Variants in SLC14A2 observed in about 807,000 individuals in gnomAD.
SLC14A2 encodes urea transporter 2.
SLC14A2 carries 91 observed loss-of-function variants against 104.6 expected under a neutral mutation model. That is an observed-to-expected ratio of 0.87 (90% CI 0.73 to 1.04). SLC14A2 has a LOEUF of 1.04. SLC14A2 is among the 50% of genes least tolerant of loss of function. The pLI is 0.00. For synonymous variants in SLC14A2, 476 were observed against 466.4 expected, an observed-to-expected ratio of 1.02 and a Z score of -0.27; for missense variants, 1,189 against 1,156.0, an observed-to-expected ratio of 1.03 and a Z score of -0.41.
At position 45,318,363 on chromosome 18, in the gene SLC14A2, C is replaced by T. The variant is rs77178968; in HGVS notation, c.-125+105172C>T. On this transcript the variant is annotated intron_variant, in intron 1 of 20. Transcript: ENST00000586448. ...AGCACTGGGTCATGTGCTCCAGTCCCTGCTTTCCTGAGGAACAAGCTTCTG... is the reference window on the plus strand; with the variant it reads ...AGCACTGGGTCATGTGCTCCAGTCCTTGCTTTCCTGAGGAACAAGCTTCTG... Among the ~76,000 whole-genome samples, 614 of 152,314 alleles carry T rather than the reference C, an allele frequency of 4.0e-3. 22 individuals are homozygous for T. The East Asian group carries it at 0.087, about 22-fold the overall frequency.
At chr18:45,532,548 G>T (rs2043711783) in intron 2 of SLC14A2, among the ~76,000 whole-genome samples, 1 of 148,870 alleles carries the variant, frequency 6.7e-6, no homozygotes, top group South Asian at 2.1e-4. Flanking sequence ...CATTGATTTT[G>T]TATCCTGAGA....
intron 1 of SLC14A2, among the ~76,000 whole-genome samples, chr18:45,252,505 T>C (rs954144188): frequency 6.6e-5 from 10 of 152,222 alleles, no homozygotes; most frequent in Non-Finnish European, 1.3e-4. Flanking sequence ...CATAAACAGA[T>C]ATTTAAATGG....
chr18:45,448,665 C>G (rs999841841), intron 1 of SLC14A2, among the ~76,000 whole-genome samples: 1 of 152,196 alleles, frequency 6.6e-6, no homozygotes, highest in Non-Finnish European at 1.5e-5. Context: ...CCAGAAGTGA[C>G]AGCTCCTCCC....
At chr18:45,392,288 G>A (rs769865806) in intron 1 of SLC14A2, among the ~76,000 whole-genome samples, 6 of 152,140 alleles carry the variant, frequency 3.9e-5, no homozygotes, top group Admixed American at 2.0e-4. Flanking sequence ...GTTTTGTACT[G>A]TGTATCTAAG....
rs548958926 is a variant in SLC14A2 at position 45,554,434 on chromosome 18, A to G, written c.-34-70197A>G. ...TCTTCTGGGGAAGGCCATGGGTAGC[A>G]CATGATCATTTTACAACGTTTGCCC... On this transcript the variant is annotated intron_variant, in intron 2 of 20. Coordinates refer to the SLC14A2 transcript ENST00000586448. Among the ~76,000 whole-genome samples, 12 of 152,264 alleles carry G rather than the reference A, an allele frequency of 7.9e-5. No individual in the cohort carries two copies. In the East Asian group the frequency reaches 1.9e-3, roughly 25 times the overall value.
chr18:45,330,476 G>A (rs569324854), intron 1 of SLC14A2, among the ~76,000 whole-genome samples: 1 of 152,226 alleles, frequency 6.6e-6, no homozygotes, highest in Admixed American at 6.5e-5. Flanking sequence ...GTGCATGGTT[G>A]CCAGAGGCTG....
intron 10 of SLC14A2, chr18:45,646,856 G>A (rs779796970): frequency 3.3e-5 from 5 of 152,186 alleles, no homozygotes; most frequent in Non-Finnish European, 5.9e-5. Flanking sequence ...GAGAGAAGAA[G>A]AAGGGTTTGG....
chr18:45,617,360 C>A (rs779619272), intron 1 of SLC14A2, among the ~76,000 whole-genome samples: 5 of 152,118 alleles, frequency 3.3e-5, no homozygotes, highest in Admixed American at 6.5e-5. Flanking sequence ...GCCCACTGGC[C>A]ACCAGCCATC....
intron 2 of SLC14A2, among the ~76,000 whole-genome samples, chr18:45,590,815 C>A (rs1317040289): frequency 6.6e-6 from 1 of 152,250 alleles, no homozygotes; most frequent in Non-Finnish European, 1.5e-5. Flanking sequence ...TGTGCTAAGG[C>A]ACTGTTCTAA....
chr18:45,246,340 C>A (rs1568119360), intron 1 of SLC14A2, among the ~76,000 whole-genome samples: 1 of 152,120 alleles, frequency 6.6e-6, no homozygotes, highest in Non-Finnish European at 1.5e-5. Context: ...GCCACCCAAT[C>A]TGTGGTATTT....
At chr18:45,397,204 G>A (rs2086044024) in intron 1 of SLC14A2, among the ~76,000 whole-genome samples, 1 of 152,134 alleles carries the variant, frequency 6.6e-6, no homozygotes, top group African/African-American at 2.4e-5. Context: ...TGGGTTGAAT[G>A]GTAGTTCTGC....
the SLC14A2 span, among the ~76,000 whole-genome samples, chr18:45,201,912 A>T: frequency 6.6e-6 from 1 of 152,146 alleles, no homozygotes; most frequent in Non-Finnish European, 1.5e-5. Context: ...TTCAGCTGAG[A>T]TAACACAGAA....
chr18:45,389,527 A>G (rs977017343), intron 1 of SLC14A2, among the ~76,000 whole-genome samples: 1 of 152,238 alleles, frequency 6.6e-6, no homozygotes, highest in Admixed American at 6.5e-5. Flanking sequence ...TCAGGATCCC[A>G]AATCAACTTC....
intron 1 of SLC14A2, among the ~76,000 whole-genome samples, chr18:45,394,136 T>A (rs559102384): frequency 2.1e-4 from 32 of 152,236 alleles, no homozygotes; most frequent in Non-Finnish European, 2.9e-4. Context: ...AATGATACTT[T>A]CGTTAGTCCA....
intron 1 of SLC14A2, among the ~76,000 whole-genome samples, chr18:45,344,588 C>A (rs1259727433): frequency 6.6e-6 from 1 of 152,078 alleles, no homozygotes; most frequent in Non-Finnish European, 1.5e-5. Flanking sequence ...ATTTTGGATG[C>A]AAGGGGGAAG....
chr18:45,305,054 G>C (rs144146928), intron 1 of SLC14A2, among the ~76,000 whole-genome samples: 1 of 152,234 alleles, frequency 6.6e-6, no homozygotes, highest in South Asian at 2.1e-4. Context: ...ATACAAATGA[G>C]TGCCTCTAGC....
chr18:45,559,536 T>C (rs984879114), intron 2 of SLC14A2, among the ~76,000 whole-genome samples: 4 of 152,132 alleles, frequency 2.6e-5, no homozygotes, highest in African/African-American at 7.2e-5. Flanking sequence ...AGTGTCCAAA[T>C]AGGATGTTCA....
chr18:45,375,986 C>T (rs1244186330), intron 1 of SLC14A2, among the ~76,000 whole-genome samples: 1 of 152,176 alleles, frequency 6.6e-6, no homozygotes, highest in African/African-American at 2.4e-5. Flanking sequence ...ACAGAGCAAT[C>T]AGTTATTCAA....
the SLC14A2 span, among the ~76,000 whole-genome samples, chr18:45,190,704 T>C: frequency 1.3e-5 from 2 of 152,176 alleles, no homozygotes; most frequent in Middle Eastern, 3.2e-3. Context: ...ACCCCGCCAG[T>C]TTAGTTTGTA....
Sources: allele counts gnomAD v4.1 joint callset (sites outside exome capture counted in the v4.1 genomes callset), GRCh38; gene constraint gnomAD v4.1.1; transcripts MANE v1.5; gene names NCBI Gene and HGNC (gene_info 2026-07-23, HGNC 2026-07-21).